DTNA: variants seen among roughly 807,000 people sequenced by gnomAD.
The protein encoded by DTNA is dystrophin-related protein 3.
In DTNA, 43 loss-of-function variants were observed where a neutral mutation model predicts 100.7. That is an observed-to-expected ratio of 0.43 (90% CI 0.33 to 0.55). DTNA has a LOEUF of 0.55. DTNA is among the 20% of genes least tolerant of loss of function. DTNA has a pLI of 0.04. For synonymous variants in DTNA, 349 were observed against 347.9 expected (o/e 1.00, Z -0.04); for missense variants, 798 against 953.9 (o/e 0.84, Z 2.15).
chr18:34,880,512 CA>C (rs1165421831), intron 20 of DTNA, among the ~76,000 whole-genome samples: 8 of 152,150 alleles, frequency 5.3e-5, no homozygotes, highest in African/African-American at 1.9e-4. Context: ...AAGGCTGACC[CA>C]AAAGCTGGGG....
chr18:34,783,562 G>C (rs1178775889), intron 3 of DTNA, among the ~76,000 whole-genome samples: 2 of 152,204 alleles, frequency 1.3e-5, no homozygotes, highest in Non-Finnish European at 2.9e-5. Context: ...AAGACGTTGA[G>C]ATTGGAAGCA....
intron 3 of DTNA, among the ~76,000 whole-genome samples, chr18:34,769,364 C>T (rs1264070542): frequency 1.3e-5 from 2 of 152,158 alleles, no homozygotes; most frequent in African/African-American, 4.8e-5. Context: ...CATTAGTCAA[C>T]ATTGAATATA....
chr18:34,607,177 C>G (rs1197694320), intron 1 of DTNA, among the ~76,000 whole-genome samples: 1 of 152,200 alleles, frequency 6.6e-6, no homozygotes, highest in Non-Finnish European at 1.5e-5. Flanking sequence ...TCCAATAGCT[C>G]TCATCCCTTG....
chr18:34,748,397 A>C (rs1462742994), intron 1 of DTNA, among the ~76,000 whole-genome samples: 3 of 152,192 alleles, frequency 2.0e-5, no homozygotes, highest in African/African-American at 7.2e-5. Flanking sequence ...AAAGTCTAGA[A>C]GAGTTTTTCC....
At chr18:34,790,296 T>C (rs141435994) in intron 3 of DTNA, among the ~76,000 whole-genome samples, 1 of 152,178 alleles carries the variant, frequency 6.6e-6, no homozygotes, top group East Asian at 1.9e-4. Context: ...GAGTGCCCAC[T>C]ACATGCTGTG....
intron 3 of DTNA, among the ~76,000 whole-genome samples, chr18:34,793,363 G>T (rs2149028978): frequency 6.6e-6 from 1 of 152,270 alleles, no homozygotes; most frequent in East Asian, 1.9e-4. Context: ...ACTTAAATCA[G>T]CTGGTAATAA....
At chr18:34,544,344 C>A (rs1287220309) in intron 1 of DTNA, among the ~76,000 whole-genome samples, 2 of 152,018 alleles carry the variant, frequency 1.3e-5, no homozygotes, top group African/African-American at 4.8e-5. Context: ...ATAATAGAAA[C>A]TCTTGCTATA....
intron 1 of DTNA, among the ~76,000 whole-genome samples, chr18:34,668,874 G>A (rs1415123696): frequency 6.6e-6 from 1 of 152,268 alleles, no homozygotes; most frequent in East Asian, 1.9e-4. Flanking sequence ...AATAGGTGTG[G>A]TGTGGTGCTG....
intron 1 of DTNA, among the ~76,000 whole-genome samples, chr18:34,639,129 C>A (rs1410364647): frequency 6.6e-6 from 1 of 152,248 alleles, no homozygotes; most frequent in African/African-American, 2.4e-5. Context: ...GCGTGAGCCA[C>A]TGCTCCTGGC....
chr18:34,685,693 A>G (rs1023176152), intron 1 of DTNA, among the ~76,000 whole-genome samples: 1 of 152,198 alleles, frequency 6.6e-6, no homozygotes. Context: ...TGGTAGCTTG[A>G]TGGGAATGGC....
chr18:34,836,825 A>ATTCAAGG (rs2149694602), intron 11 of DTNA, among the ~76,000 whole-genome samples: 1 of 152,264 alleles, frequency 6.6e-6, no homozygotes, highest in African/African-American at 2.4e-5. Context: ...ATTTAATATT[A>ATTCAAGG]AATTTATCAG....
chr18:34,716,988 T>C (rs1252373369), intron 1 of DTNA, among the ~76,000 whole-genome samples: 1 of 152,186 alleles, frequency 6.6e-6, no homozygotes, highest in African/African-American at 2.4e-5. Flanking sequence ...ATTCCAATTA[T>C]TAGTTTTTGA....
intron 1 of DTNA, among the ~76,000 whole-genome samples, chr18:34,745,521 G>A (rs1262503872): frequency 6.6e-6 from 1 of 152,130 alleles, no homozygotes; most frequent in African/African-American, 2.4e-5. Context: ...TAAAACACGT[G>A]GGATTTTCAG....
At chr18:34,849,331 GTT>G (rs1603227077) in intron 14 of DTNA, among the ~76,000 whole-genome samples, 2 of 152,076 alleles carry the variant, frequency 1.3e-5, no homozygotes, top group African/African-American at 2.4e-5. Flanking sequence ...GCAAAACAAG[GTT>G]TTTGGAAAAA....
intron 1 of DTNA, among the ~76,000 whole-genome samples, chr18:34,749,936 A>G (rs2148029664): frequency 6.6e-6 from 1 of 152,292 alleles, no homozygotes; most frequent in Non-Finnish European, 1.5e-5. Flanking sequence ...CTTCCTCATT[A>G]ACAGAAATGG....
chr18:34,773,362 G>A (rs140942445), intron 3 of DTNA, among the ~76,000 whole-genome samples: 152 of 152,238 alleles, frequency 1.0e-3, no homozygotes, highest in African/African-American at 3.2e-3. Context: ...TAAAAATAAA[G>A]TTTAAAGTCG....
chr18:34,588,887 C>G (rs1357162), intron 1 of DTNA, among the ~76,000 whole-genome samples: 39,623 of 151,750 alleles, frequency 0.26, 7,035 homozygotes, highest in African/African-American at 0.5. Flanking sequence ...TTTAACCTAA[C>G]TAAGCATTAG....
At chr18:34,742,182 G>A (rs1199531139) in intron 1 of DTNA, among the ~76,000 whole-genome samples, 1 of 152,162 alleles carries the variant, frequency 6.6e-6, no homozygotes, top group Non-Finnish European at 1.5e-5. Context: ...ATGTGATCTT[G>A]TGAAAGTTTC....
chr18:34,671,708 T>A (rs74612685), intron 1 of DTNA, among the ~76,000 whole-genome samples: 2,232 of 152,336 alleles, frequency 0.015, 58 homozygotes, highest in African/African-American at 0.051. Context: ...TTTGCCTTTT[T>A]GTTCTATATC....
Sources: gnomAD v4.1 joint callset for allele counts (sites outside exome capture counted in the v4.1 genomes callset) on GRCh38, gnomAD v4.1.1 for gene constraint, MANE v1.5 for transcripts, NCBI Gene and HGNC (gene_info 2026-07-23, HGNC 2026-07-21) for gene names.